The following BLOC1S3 variants were observed in gnomAD, a reference collection of about 807,000 sequenced individuals.
The protein encoded by BLOC1S3 is biogenesis of lysosome-related organelles complex 1 subunit 3.
A neutral mutation model predicts 9.1 loss-of-function variants in BLOC1S3; 7 were observed. The observed-to-expected ratio is 0.77, with a 90% CI of 0.44 to 1.45. BLOC1S3 has a LOEUF of 1.45. Among genes scored for constraint, BLOC1S3 ranks in the 40% most tolerant of loss-of-function variants. The pLI, the probability that BLOC1S3 is intolerant of heterozygous loss-of-function variation, is 0.01. For missense variants in BLOC1S3, 307 were observed against 315.2 expected, an observed-to-expected ratio of 0.97 and a Z score of 0.20; for synonymous variants, 145 against 158.4, an observed-to-expected ratio of 0.92 and a Z score of 0.64.
At chr19:45,210,040 T>C (rs56845483) in intron 3 of BLOC1S3, among the ~76,000 whole-genome samples, 8,880 of 152,110 alleles carry the variant, frequency 0.058, 572 homozygotes, top group African/African-American at 0.16. Context: ...GCCAGAACTC[T>C]GTCTCAAAAA....
At chr19:45,216,625 G>A (rs1210351947) in intron 3 of BLOC1S3, 1 of 153,752 alleles carries the variant, frequency 6.5e-6, no homozygotes, top group African/African-American at 2.4e-5. Flanking sequence ...TGTAGCAGAA[G>A]ACATACTATG....
intron 2 of BLOC1S3, among the ~76,000 whole-genome samples, chr19:45,197,385 G>A (rs368997170): frequency 8.5e-4 from 129 of 151,084 alleles, no homozygotes; most frequent in African/African-American, 2.9e-3. Flanking sequence ...TACCCAGGAG[G>A]CTGAGGCATG....
At chr19:45,190,821 T>TATTTTA (rs1599751332) in intron 2 of BLOC1S3, among the ~76,000 whole-genome samples, 4 of 147,282 alleles carry the variant, frequency 2.7e-5, no homozygotes, top group African/African-American at 4.9e-5. Flanking sequence ...TATTTTATTT[T>TATTTTA]TTGAGAGAGA....
intron 2 of BLOC1S3, among the ~76,000 whole-genome samples, chr19:45,199,853 C>T (rs1352392176): frequency 6.6e-6 from 1 of 152,034 alleles, no homozygotes; most frequent in Non-Finnish European, 1.5e-5. Flanking sequence ...ACAACCTCCA[C>T]TTCCTGCGTT....
At chr19:45,205,180 G>C (rs1174170330) in intron 3 of BLOC1S3, among the ~76,000 whole-genome samples, 1 of 152,006 alleles carries the variant, frequency 6.6e-6, no homozygotes, top group East Asian at 1.9e-4. Flanking sequence ...GTGTGTGTGT[G>C]TGTGAGACGG....
At chr19:45,182,213 C>T (rs1969529910), downstream of BLOC1S3, among the ~76,000 whole-genome samples, 1 of 151,896 alleles carries the variant, frequency 6.6e-6, no homozygotes, top group East Asian at 1.9e-4. Flanking sequence ...TGTATCACGC[C>T]TGTAATCCTA....
At chr19:45,188,648 T>C (rs1054410538) in intron 2 of BLOC1S3, among the ~76,000 whole-genome samples, 1 of 149,696 alleles carries the variant, frequency 6.7e-6, no homozygotes, top group African/African-American at 2.5e-5. Flanking sequence ...TCTTGGCTCA[T>C]TGCAACCTGT....
At chr19:45,214,590 G>A (rs1335664338) in intron 3 of BLOC1S3, among the ~76,000 whole-genome samples, 5 of 151,858 alleles carry the variant, frequency 3.3e-5, no homozygotes, top group Admixed American at 2.0e-4. Context: ...TCAGCCTCCC[G>A]AGTAGCTGGG....
chr19:45,180,003 C>T lies in BLOC1S3; in HGVS notation c.*98C>T, dbSNP rs1969493651. 2.1e-6 allele frequency: 3 copies of T among 1,411,492 alleles called. No individual in the cohort carries two copies. Among genetic ancestry groups the T allele is most frequent in the Admixed American group, 2.1e-5 (1 of 46,970 alleles). 87.4% of individuals were successfully genotyped at this position (1,411,492 alleles called of 1,614,324 possible). On this transcript the variant is annotated 3_prime_UTR_variant, in exon 2 of 2. Coordinates refer to ENST00000433642, the MANE Select transcript of BLOC1S3 (RefSeq NM_212550.5). The stretch of plus-strand genomic sequence containing the variant: ...CCTGTGTCTCTTATCACCCCCCACC[C>T]CCGCTCCCATCTTGGTGTCACCCAT...
chr19:45,204,783 G>A (rs1019939046), intron 3 of BLOC1S3, among the ~76,000 whole-genome samples: 1 of 151,850 alleles, frequency 6.6e-6, no homozygotes, highest in Non-Finnish European at 1.5e-5. Context: ...CAAGGCTAGA[G>A]TGCAGTGGCA....
intron 3 of BLOC1S3, among the ~76,000 whole-genome samples, chr19:45,207,615 T>C (rs1827972843): frequency 7.5e-6 from 1 of 133,836 alleles, no homozygotes. Flanking sequence ...CGCACACCTA[T>C]AGTCTCACCT....
At chr19:45,204,182 T>A (rs1969710760) in intron 3 of BLOC1S3, among the ~76,000 whole-genome samples, 1 of 139,532 alleles carries the variant, frequency 7.2e-6, no homozygotes, top group Non-Finnish European at 1.5e-5. Context: ...GATTTTTGTT[T>A]TGCCTTTTTT....
intron 3 of BLOC1S3, among the ~76,000 whole-genome samples, chr19:45,208,808 C>T (rs1488719910): frequency 1.3e-5 from 2 of 148,510 alleles, no homozygotes; most frequent in Non-Finnish European, 3.0e-5. Flanking sequence ...ACCCAGAAGT[C>T]GAAGAAGAAA....
chr19:45,190,667 G>T (rs1969597579), intron 2 of BLOC1S3, among the ~76,000 whole-genome samples: 1 of 151,628 alleles, frequency 6.6e-6, no homozygotes. Flanking sequence ...CTCCCAAAAT[G>T]CTGGGATTAC....
Position 45,179,668 on chromosome 19 carries a change from G to C in BLOC1S3, c.372G>C (p.Val124=). The change falls in exon 2 of 2, where the codon GTG becomes GTC. Residue 124 remains valine, a synonymous_variant. Transcript: ENST00000433642. The surrounding 1 kb of genome is among the most constrained non-coding windows in gnomAD (Gnocchi z 4.6). ...AESQARLDHD[V]AAAVSGVYRR... Reference sequence around the variant, plus strand: ...GCCAGGCGCGGCTGGACCACGACGTGGCGGCCGCCGTGAGCGGTGTCTACC... The same window carrying C: ...GCCAGGCGCGGCTGGACCACGACGTCGCGGCCGCCGTGAGCGGTGTCTACC... 6.8e-7 allele frequency: 1 copy of C among 1,466,722 alleles called. No homozygotes were observed. Among genetic ancestry groups the C allele is most frequent in the Non-Finnish European group, 9.0e-7 (1 of 1,114,968 alleles). 90.9% of individuals were successfully genotyped at this position (1,466,722 alleles called of 1,614,324 possible). A position where few individuals can be genotyped will look rare whatever the true frequency, so the allele number is the denominator to read the frequency against.
chr19:45,197,214 G>A (rs563260968), intron 2 of BLOC1S3, among the ~76,000 whole-genome samples: 4 of 151,768 alleles, frequency 2.6e-5, no homozygotes, highest in East Asian at 2.0e-4. Flanking sequence ...GTCCAGGTGC[G>A]GTGGCTCACA....
At chr19:45,196,663 C>T (rs915384946) in intron 2 of BLOC1S3, among the ~76,000 whole-genome samples, 1 of 151,538 alleles carries the variant, frequency 6.6e-6, no homozygotes, top group Non-Finnish European at 1.5e-5. Flanking sequence ...GAGGCCGAGG[C>T]GGGTGGATCA....
chr19:45,194,618 A>G (rs1969633653), intron 2 of BLOC1S3, among the ~76,000 whole-genome samples: 1 of 152,170 alleles, frequency 6.6e-6, no homozygotes, highest in African/African-American at 2.4e-5. Flanking sequence ...ACATTCATAC[A>G]ACAGACATTA....
chr19:45,202,210 TAAAAAAAAAAA>T (rs59295257), intron 2 of BLOC1S3, among the ~76,000 whole-genome samples: 9,550 of 55,226 alleles, frequency 0.17, 704 homozygotes, highest in African/African-American at 0.32. Flanking sequence ...AGACTCCATC[TAAAAAAAAAAA>T]AAAAAAAAAA....
Sources: gnomAD v4.1 joint callset for allele counts (sites outside exome capture counted in the v4.1 genomes callset) on GRCh38, gnomAD v4.1.1 for gene constraint, Gnocchi (gnomAD v3.1) non-coding constraint, MANE v1.5 for transcripts, NCBI Gene and HGNC (gene_info 2026-07-23, HGNC 2026-07-21) for gene names.